PID1: variants seen among roughly 807,000 people sequenced by gnomAD.
PID1 encodes PTB-containing, cubilin and LRP1-interacting protein.
Under a neutral mutation model 19.1 loss-of-function variants are expected in PID1, and 10 were observed. The observed-to-expected ratio is 0.52, with a 90% confidence interval of 0.32 to 0.89. The LOEUF (loss-of-function observed/expected upper bound fraction) is 0.89, where lower values mean the gene tolerates loss of function less well. Among genes scored for constraint, PID1 ranks in the 40% least tolerant of loss-of-function variants. The pLI, the probability that PID1 is intolerant of heterozygous loss-of-function variation, is 0.03. For synonymous variants in PID1, 130 were observed against 116.0 expected (o/e 1.12, Z -0.78); for missense variants, 248 against 285.3 (o/e 0.87, Z 0.94).
intron 2 of PID1, among the ~76,000 whole-genome samples, chr2:229,125,627 GTCC>G (rs1334878185): frequency 9.2e-5 from 14 of 152,054 alleles, no homozygotes; most frequent in Admixed American, 5.9e-4. Flanking sequence ...CTCCCTCCTT[GTCC>G]TCCTGTGTCC....
At chr2:229,073,273 A>C (rs1185208141) in intron 2 of PID1, among the ~76,000 whole-genome samples, 2 of 151,976 alleles carry the variant, frequency 1.3e-5, no homozygotes, top group African/African-American at 4.8e-5. Flanking sequence ...GATCCGCCTG[A>C]CTCGGCCTCC....
chr2:229,110,120 G>A (rs1028956781), intron 2 of PID1, among the ~76,000 whole-genome samples: 2 of 152,216 alleles, frequency 1.3e-5, no homozygotes, highest in African/African-American at 4.8e-5. Context: ...GTACTCTTAT[G>A]CTGATGTGAA....
intron 1 of PID1, among the ~76,000 whole-genome samples, chr2:229,224,021 A>G (rs1692027256): frequency 6.6e-6 from 1 of 152,146 alleles, no homozygotes; most frequent in African/African-American, 2.4e-5. Context: ...TTTATAAGTG[A>G]TAACATGTGG....
intron 2 of PID1, among the ~76,000 whole-genome samples, chr2:229,049,160 C>T (rs1038106900): frequency 1.6e-4 from 25 of 151,942 alleles, no homozygotes; most frequent in African/African-American, 5.6e-4. Flanking sequence ...GAGACTCCCC[C>T]GACATACCAG....
intron 1 of PID1, among the ~76,000 whole-genome samples, chr2:229,166,964 A>AGGAAGGGGAAGG (rs57225131): frequency 6.9e-6 from 1 of 145,892 alleles, no homozygotes; most frequent in East Asian, 2.1e-4. Context: ...AAGAAAAGAA[A>AGGAAGGGGAAGG]GGAAGGGGAA....
intron 2 of PID1, among the ~76,000 whole-genome samples, chr2:229,088,788 G>A (rs1348744816): frequency 2.6e-5 from 4 of 151,974 alleles, no homozygotes; most frequent in East Asian, 1.9e-4. Flanking sequence ...GCTCTGCTGA[G>A]TAATTATCAA....
At chr2:229,139,053 GAAAGAGAAAGAAAGAA>G (rs1689935335) in intron 2 of PID1, among the ~76,000 whole-genome samples, 5 of 59,336 alleles carry the variant, frequency 8.4e-5, no homozygotes, top group Admixed American at 1.6e-4. Flanking sequence ...AAGAAAGAAA[GAAAGAGAAAGAAAGAA>G]AGAAAGAAAG....
chr2:229,251,857 A>T (rs1418305765), intron 1 of PID1, among the ~76,000 whole-genome samples: 2 of 151,790 alleles, frequency 1.3e-5, no homozygotes, highest in Non-Finnish European at 2.9e-5. Context: ...GGATCGAAAT[A>T]AGTCCATTCG....
chr2:229,129,787 G>A (rs1387216459), intron 2 of PID1, among the ~76,000 whole-genome samples: 4 of 152,102 alleles, frequency 2.6e-5, no homozygotes, highest in Non-Finnish European at 4.4e-5. Context: ...ATGTACACTG[G>A]GCAGGGGCTG....
intron 1 of PID1, among the ~76,000 whole-genome samples, chr2:229,188,676 T>A (rs1016353853): frequency 5.3e-5 from 8 of 149,754 alleles, no homozygotes; most frequent in Non-Finnish European, 1.0e-4. Context: ...GAGGCGGAGG[T>A]TGCAGTGAGC....
At chr2:229,150,867 T>C (rs75553699) in intron 2 of PID1, among the ~76,000 whole-genome samples, 2 of 151,328 alleles carry the variant, frequency 1.3e-5, no homozygotes, top group Non-Finnish European at 2.9e-5. Context: ...TTTTTTTTTT[T>C]AAGAAAACCA....
intron 1 of PID1, among the ~76,000 whole-genome samples, chr2:229,166,627 A>G (rs1690603543): frequency 1.3e-5 from 2 of 152,182 alleles, no homozygotes; most frequent in Non-Finnish European, 2.9e-5. Context: ...TTGACTCTAC[A>G]TGATTTTAAT....
chr2:229,071,829 CA>C (rs993064519), intron 2 of PID1, among the ~76,000 whole-genome samples: 1 of 152,160 alleles, frequency 6.6e-6, no homozygotes, highest in African/African-American at 2.4e-5. Flanking sequence ...GAAAAAGAAA[CA>C]ATGACTCATT....
intron 1 of PID1, among the ~76,000 whole-genome samples, chr2:229,190,146 C>A (rs62191681): frequency 0.067 from 10,174 of 152,192 alleles, 451 homozygotes; most frequent in South Asian, 0.2. Context: ...TGGCAAGTGA[C>A]GTTGGTTCCC....
intron 2 of PID1, among the ~76,000 whole-genome samples, chr2:229,139,056 A>C (rs1559251519): frequency 1.3e-4 from 6 of 45,236 alleles, no homozygotes; most frequent in Admixed American, 4.0e-4. Flanking sequence ...AAAGAAAGAA[A>C]GAGAAAGAAA....
intron 2 of PID1, among the ~76,000 whole-genome samples, chr2:229,142,642 T>A (rs1690039140): frequency 6.6e-6 from 1 of 152,114 alleles, no homozygotes; most frequent in Non-Finnish European, 1.5e-5. Flanking sequence ...AAAACCACAA[T>A]GAGATAGCAT....
At chr2:229,048,394 C>T (rs1693925646) in intron 2 of PID1, among the ~76,000 whole-genome samples, 1 of 152,192 alleles carries the variant, frequency 6.6e-6, no homozygotes, top group Non-Finnish European at 1.5e-5. Context: ...AGGGAATCCT[C>T]TGGAGGGTCT....
intron 1 of PID1, among the ~76,000 whole-genome samples, chr2:229,174,268 T>C (rs1311825799): frequency 6.6e-6 from 1 of 152,166 alleles, no homozygotes. Flanking sequence ...AAGACAAAAC[T>C]TTACTTTCCC....
intron 1 of PID1, among the ~76,000 whole-genome samples, chr2:229,212,420 C>G (rs890994799): frequency 2.6e-5 from 4 of 152,162 alleles, no homozygotes; most frequent in Non-Finnish European, 5.9e-5. Context: ...GGTTCCCATA[C>G]AGCAGGAACA....
Sources: allele counts gnomAD v4.1 joint callset (sites outside exome capture counted in the v4.1 genomes callset), GRCh38; gene constraint gnomAD v4.1.1; transcripts MANE v1.5; gene names NCBI Gene and HGNC (gene_info 2026-07-23, HGNC 2026-07-21).